Variants in CCDC91 observed in about 807,000 individuals in gnomAD.
CCDC91 encodes coiled-coil domain-containing protein 91.
Under a neutral mutation model 63.2 loss-of-function variants are expected in CCDC91, and 48 were observed. That is an observed-to-expected ratio of 0.76 (90% CI 0.60 to 0.97). The LOEUF is 0.97. Ranked by LOEUF, CCDC91 falls within the 50% of genes least tolerant of loss-of-function variation. The pLI is 0.00. For synonymous variants in CCDC91, 167 were observed against 165.8 expected, an observed-to-expected ratio of 1.01 and a Z score of -0.06; for missense variants, 500 against 494.6, an observed-to-expected ratio of 1.01 and a Z score of -0.10.
At chr12:28,439,908 T>C (rs2140190792) in intron 8 of CCDC91, among the ~76,000 whole-genome samples, 1 of 151,948 alleles carries the variant, frequency 6.6e-6, no homozygotes, top group South Asian at 2.1e-4. Flanking sequence ...TCTGACACCT[T>C]TGCATTAAGT....
At chr12:28,256,104 TAATTTAA>T in intron 1 of CCDC91, 1 of 152,314 alleles carries the variant, frequency 6.6e-6, no homozygotes, top group African/African-American at 2.4e-5. Context: ...GTTTTCTTTT[TAATTTAA>T]AACATTGCTT....
At chr12:28,498,895 A>G (rs1952461846) in intron 12 of CCDC91, among the ~76,000 whole-genome samples, 1 of 151,714 alleles carries the variant, frequency 6.6e-6, no homozygotes, top group Non-Finnish European at 1.5e-5. Context: ...TATAAGCTCT[A>G]AAAGAGAAAA....
intron 11 of CCDC91, among the ~76,000 whole-genome samples, chr12:28,467,194 G>T (rs907848716): frequency 6.6e-6 from 1 of 151,846 alleles, no homozygotes; most frequent in Non-Finnish European, 1.5e-5. Flanking sequence ...TTTTAAAAAA[G>T]ACCCCTTGAT....
intron 4 of CCDC91, among the ~76,000 whole-genome samples, chr12:28,306,270 G>T (rs1938715868): frequency 6.6e-6 from 1 of 152,022 alleles, no homozygotes; most frequent in East Asian, 1.9e-4. Context: ...GCTGCTGAAG[G>T]TAGTCCCAAT....
intron 3 of CCDC91, among the ~76,000 whole-genome samples, chr12:28,260,346 T>C (rs190721429): frequency 6.6e-6 from 1 of 152,026 alleles, no homozygotes; most frequent in Admixed American, 6.6e-5. Flanking sequence ...ATAATTTCAA[T>C]AGGCAGATAT....
At chr12:28,332,967 CTG>C (rs1419942864) in intron 6 of CCDC91, among the ~76,000 whole-genome samples, 1 of 151,880 alleles carries the variant, frequency 6.6e-6, no homozygotes, top group African/African-American at 2.4e-5. Flanking sequence ...TAAGCAAAAA[CTG>C]TGAAAAACAT....
chr12:28,498,810 T>G (rs780264414), intron 12 of CCDC91, among the ~76,000 whole-genome samples: 12 of 151,734 alleles, frequency 7.9e-5, no homozygotes. Context: ...GGTAGCACTC[T>G]TAAGTGCTAG....
chr12:28,210,540 C>G (rs1392223485), intron 1 of CCDC91, among the ~76,000 whole-genome samples: 6 of 152,110 alleles, frequency 3.9e-5, no homozygotes, highest in Non-Finnish European at 7.4e-5. Flanking sequence ...TTTGGAAGAA[C>G]AGGGCCAGGA....
intron 7 of CCDC91, among the ~76,000 whole-genome samples, chr12:28,372,912 C>CT (rs1417398747): frequency 1.2e-4 from 19 of 152,190 alleles, no homozygotes; most frequent in African/African-American, 4.6e-4. Context: ...TGTTTCAGGT[C>CT]TTAGAGGAAA....
intron 12 of CCDC91, among the ~76,000 whole-genome samples, chr12:28,543,508 C>T (rs1296042282): frequency 1.3e-5 from 2 of 151,966 alleles, no homozygotes; most frequent in East Asian, 3.9e-4. Flanking sequence ...TTTACTGGCC[C>T]AATCAGAAAC....
rs769710123 is a variant in CCDC91 at position 28,484,075 on chromosome 12, A to G, written c.1125A>G (p.Ile375Met). 3 of 1,611,158 alleles carry G rather than the reference A, an allele frequency of 1.9e-6. No homozygotes were observed. Among genetic ancestry groups the G allele is most frequent in the East Asian group, 4.5e-5 (2 of 44,674 alleles). The change falls in exon 12 of 13, where the codon ATA becomes ATG. Residue 375 changes from isoleucine to methionine, a missense_variant. Ile to Met is a conservative substitution (Grantham distance 10, BLOSUM62 1). Coordinates refer to ENST00000536442, the MANE Select transcript of CCDC91 (RefSeq NM_018318.5). ...AGGAAACTGTTAAGGCAGCAATAAT[A>G]GAAGAGCAGAAACGAAGTGAAAAGG... Reference protein sequence around the residue: ...ISQETVKAAIIEEQKRSEKAV... With the variant: ...ISQETVKAAIMEEQKRSEKAV...
chr12:28,366,111 TG>T (rs1944254580), intron 7 of CCDC91, among the ~76,000 whole-genome samples: 1 of 152,156 alleles, frequency 6.6e-6, no homozygotes, highest in African/African-American at 2.4e-5. Flanking sequence ...TTCAGAAATA[TG>T]AAGACATGAC....
At chr12:28,374,035 C>T (rs1194248220) in intron 7 of CCDC91, among the ~76,000 whole-genome samples, 5 of 152,092 alleles carry the variant, frequency 3.3e-5, no homozygotes, top group Non-Finnish European at 1.5e-5. Flanking sequence ...GATAAATTAC[C>T]CAGTCTTGTG....
intron 11 of CCDC91, among the ~76,000 whole-genome samples, chr12:28,480,388 GT>G (rs1331951933): frequency 5.3e-5 from 8 of 151,874 alleles, no homozygotes; most frequent in African/African-American, 1.9e-4. Flanking sequence ...CTCTTTTAGT[GT>G]ATGGTTATTT....
chr12:28,202,676 C>A (rs1219491601), intron 1 of CCDC91, among the ~76,000 whole-genome samples: 15 of 152,232 alleles, frequency 9.9e-5, no homozygotes, highest in African/African-American at 3.6e-4. Context: ...TTAGTTCCCA[C>A]TTGTACAGAG....
intron 12 of CCDC91, among the ~76,000 whole-genome samples, chr12:28,535,307 T>A (rs1226519632): frequency 2.6e-5 from 4 of 152,182 alleles, no homozygotes; most frequent in Non-Finnish European, 5.9e-5. Context: ...AAGTGGCAAA[T>A]CACATGGATA....
intron 6 of CCDC91, among the ~76,000 whole-genome samples, chr12:28,325,543 G>A (rs369040838): frequency 1.3e-4 from 20 of 152,100 alleles, no homozygotes; most frequent in African/African-American, 4.3e-4. Context: ...GAAAACTATA[G>A]CAAGGTAAAG....
intron 1 of CCDC91, among the ~76,000 whole-genome samples, chr12:28,214,582 T>G (rs1388585496): frequency 4.1e-4 from 33 of 81,350 alleles, no homozygotes; most frequent in Admixed American, 3.3e-3. Context: ...TTGTTATGTT[T>G]GTGTGTGTGT....
chr12:28,355,392 C>T (rs1221512032), intron 6 of CCDC91, among the ~76,000 whole-genome samples: 1 of 152,092 alleles, frequency 6.6e-6, no homozygotes, highest in African/African-American at 2.4e-5. Flanking sequence ...AGGATTTGGC[C>T]TTCATTCTTT....
Sources: gnomAD v4.1 joint callset for allele counts (sites outside exome capture counted in the v4.1 genomes callset) on GRCh38, gnomAD v4.1.1 for gene constraint, MANE v1.5 for transcripts, NCBI Gene and HGNC (gene_info 2026-07-23, HGNC 2026-07-21) for gene names.